The following PIF1 variants were observed in gnomAD, a reference collection of about 807,000 sequenced individuals.
PIF1 encodes ATP-dependent DNA helicase PIF1.
A neutral mutation model predicts 62.3 loss-of-function variants in PIF1; 67 were observed. The ratio of observed to expected loss-of-function variants is 1.08; its 90% CI spans 0.88 to 1.32. PIF1 has a LOEUF of 1.32. PIF1 is among the 40% of genes most tolerant of loss of function. The pLI is 0.00. For synonymous variants in PIF1, 364 were observed against 379.5 expected, an observed-to-expected ratio of 0.96 and a Z score of 0.47; for missense variants, 886 against 866.1, an observed-to-expected ratio of 1.02 and a Z score of -0.29.
In PIF1 at chr15:64,821,525, G is replaced by T. The variant is rs1396976965; in HGVS notation, c.818-5C>A. 2 of 1,587,002 alleles carry T rather than the reference G, an allele frequency of 1.3e-6. No individual in the cohort carries two copies. Among genetic ancestry groups the T allele is most frequent in the Admixed American group, 1.8e-5 (1 of 54,214 alleles). ...GAGCCTGGCCTGAGCCGATGCCTGT[G>T]AGTGACACTATTCAGCCTGGGCTAA... On this transcript the variant is annotated splice_region_variant and splice_polypyrimidine_tract_variant and intron_variant, in intron 4 of 12. Transcript: ENST00000559239.
chr15:64,822,976 C>T (rs538776803), intron 2 of PIF1, among the ~76,000 whole-genome samples: 88 of 152,116 alleles, frequency 5.8e-4, no homozygotes, highest in African/African-American at 2.0e-3. Flanking sequence ...CCAAGCAAAA[C>T]CCTGTCTAGC....
In PIF1 at chr15:64,821,280, C is replaced by T. The variant is rs752731564; in HGVS notation, c.973G>A (p.Ala325Thr). Residue 325 changes from alanine (A) to threonine (T), a missense_variant and splice_region_variant, in exon 6 of 13, where the codon GCT becomes ACT. Physicochemically the swap from Ala to Thr is moderately conservative, Grantham distance 58 (BLOSUM62 0). Coordinates refer to ENST00000559239, the MANE Select transcript of PIF1 (RefSeq NM_001286496.2). Reference protein sequence around the residue: ...LFDKLEAVARAVRQQNKPFGG... With the variant: ...LFDKLEAVARTVRQQNKPFGG... Reference sequence around the variant, plus strand: ...AATGGCTTGTTCTGCTGCCGGACAGCTCTGGAGAGGAGCGTGGGGTGCTTT... The same window carrying T: ...AATGGCTTGTTCTGCTGCCGGACAGTTCTGGAGAGGAGCGTGGGGTGCTTT... 3 of 1,614,208 alleles carry T rather than the reference C, an allele frequency of 1.9e-6. No homozygotes were observed. The highest frequency in any genetic ancestry group is 2.5e-6 in the Non-Finnish European group (3 of 1,180,002).
intron 7 of PIF1, 129 bp downstream of exon 7, chr15:64,820,853 C>A (rs1036149669): frequency 1.0e-5 from 8 of 792,404 alleles, no homozygotes; most frequent in Non-Finnish European, 1.7e-5. Flanking sequence ...CAAGGCTCCT[C>A]TTCCTGCATG....
chr15:64,819,078 G>T, intron 9 of PIF1, 39 bp downstream of exon 9: 1 of 1,499,194 alleles, frequency 6.7e-7, no homozygotes, highest in Non-Finnish European at 9.0e-7. Context: ...ATGCGGGACA[G>T]CCCAAGCTCC....
chr15:64,826,751 T>C (rs867570176), upstream of PIF1, among the ~76,000 whole-genome samples: 1 of 142,126 alleles, frequency 7.0e-6, no homozygotes, highest in Non-Finnish European at 1.6e-5. Context: ...CACACACATA[T>C]ATATATATAA....
intron 3 of PIF1, 24 bp downstream of exon 3, chr15:64,822,454 C>T: frequency 1.2e-6 from 2 of 1,614,122 alleles, no homozygotes; most frequent in Non-Finnish European, 1.7e-6. Flanking sequence ...CACTGTCCCC[C>T]TACCTCCTCT....
At chr15:64,822,230 T>G (rs1595816737) in intron 4 of PIF1, 36 bp downstream of exon 4, 1 of 1,589,296 alleles carries the variant, frequency 6.3e-7, no homozygotes, top group Non-Finnish European at 8.5e-7. Context: ...GAAGCTGGGC[T>G]TGCTCTTAGC....
intron 10 of PIF1, 78 bp from the exon 11 acceptor site, chr15:64,818,169 T>C (rs1390055395): frequency 6.2e-7 from 1 of 1,610,972 alleles, no homozygotes; most frequent in African/African-American, 1.3e-5. Flanking sequence ...TTTGGAGCTT[T>C]CCTTCCTAGT....
In PIF1 at chr15:64,815,783, G is replaced by A; in HGVS notation, c.*515C>T. The A allele has an allele frequency of 1.3e-6, 2 of 1,550,668 alleles. No homozygotes were observed. The highest frequency in any genetic ancestry group is 8.7e-7 in the Non-Finnish European group (1 of 1,147,018). On this transcript the variant is annotated 3_prime_UTR_variant, in exon 13 of 13. Transcript: ENST00000559239. ...TTATGTTCTTTGGTTAGGCTCTGAA[G>A]GGTGTTTGTTCTGGGCTGGGCTAGG...
At chr15:64,818,140 G>C (rs1156412552) in intron 10 of PIF1, 49 bp from the exon 11 acceptor site, 7 of 1,611,748 alleles carry the variant, frequency 4.3e-6, no homozygotes, top group Non-Finnish European at 5.9e-6. Flanking sequence ...TCAGGGCTCT[G>C]AGGTGAGGAG....
rs767605057 is a variant in PIF1, at chr15:64,824,136, C to T, written c.200G>A (p.Arg67His). The change falls in exon 2 of 13, where the codon CGC becomes CAC. Residue 67 changes from arginine to histidine, a missense_variant. Physicochemically the swap from Arg to His is conservative, Grantham distance 29 (BLOSUM62 0). Coordinates refer to ENST00000559239, the MANE Select transcript of PIF1 (RefSeq NM_001286496.2). ...GCGCGCGGCGCGCAGAGGAAAGCAG[C>T]GCGGCCGCCCCGCGGGCCCTGGCGC... ...LQAPGPAGRPRCFPLRAARLF... is the reference protein window; with the variant it reads ...LQAPGPAGRPHCFPLRAARLF... 1 of 1,285,286 alleles carries T rather than the reference C, an allele frequency of 7.8e-7. No individual in the cohort carries two copies. Among genetic ancestry groups the T allele is most frequent in the Non-Finnish European group, 9.8e-7 (1 of 1,018,308 alleles). The allele number at this position is 1,285,286 out of a possible 1,614,324, so 79.6% of individuals were successfully genotyped here.
rs2084171371 is a variant in PIF1 at position 64,815,836 on chromosome 15, AGTTCC to A, written c.*457_*461del. ...GGGCCTAGCTGTAGAGACACACCTA[AGTTCC>A]GTTCTCTGTTTGGAGGCTGCACCCA... On this transcript the variant is annotated 3_prime_UTR_variant, in exon 13 of 13. Transcript: ENST00000559239. 1 of 1,550,500 alleles carries A rather than the reference AGTTCC, an allele frequency of 6.4e-7. No homozygotes were observed. The highest frequency in any genetic ancestry group is 1.4e-5 in the African/African-American group (1 of 73,036).
At position 64,824,253 on chromosome 15, in the gene PIF1, G is replaced by T. The variant is rs1289957543; in HGVS notation, c.83C>A (p.Pro28Gln). 2.3e-6 allele frequency: 3 copies of T among 1,306,804 alleles called. No individual in the cohort carries two copies. 81.0% of individuals were successfully genotyped at this position (1,306,804 alleles called of 1,614,324 possible). A position where few individuals can be genotyped will look rare whatever the true frequency, so the allele number is the denominator to read the frequency against. ...CTGGCGCCTTCGCGGCTGCCCGCCCGGGCTCAGCTCCTCCACAGCCACGCG... is the reference window on the plus strand; with the variant it reads ...CTGGCGCCTTCGCGGCTGCCCGCCCTGGCTCAGCTCCTCCACAGCCACGCG... ...RCRVAVEELS[P>Q]GGQPRRRQAL... Residue 28 changes from proline (P) to glutamine (Q), a missense_variant, in exon 2 of 13, where the codon CCG becomes CAG. Transcript: ENST00000559239.
chr15:64,818,211 G>A lies in PIF1; in HGVS notation c.1528+46C>T, dbSNP rs374105698. ...CTCCCCCCACCATTCCCGGGGCCAT[G>A]CTGCAAAGCCCCGTAGCAGGACTGC... On this transcript the variant is annotated intron_variant, in intron 10 of 12. Coordinates refer to ENST00000559239, the MANE Select transcript of PIF1 (RefSeq NM_001286496.2). 3.1e-6 allele frequency: 5 copies of A among 1,611,078 alleles called. No individual in the cohort carries two copies. In the African/African-American group the frequency reaches 5.3e-5, roughly 17 times the overall value.
Position 64,823,932 on chromosome 15 carries a change from G to A in PIF1, c.404C>T (p.Ala135Val). The change falls in exon 2 of 13, where the codon GCC (alanine) becomes GTC (valine). Residue 135 changes from alanine to valine, a missense_variant. Transcript: ENST00000559239. ...AAAPGPGPASARAQLLGPRPR... is the reference protein window; with the variant it reads ...AAAPGPGPASVRAQLLGPRPR... Reference sequence around the variant, plus strand: ...CCGCGGGCCCAGCAGCTGCGCTCGGGCGGAGGCCGGCCCGGGACCCGGGGC... The same window carrying A: ...CCGCGGGCCCAGCAGCTGCGCTCGGACGGAGGCCGGCCCGGGACCCGGGGC... 2 of 1,315,732 alleles carry A rather than the reference G, an allele frequency of 1.5e-6. No individual in the cohort carries two copies. 81.5% of individuals were successfully genotyped at this position (1,315,732 alleles called of 1,614,324 possible). A position where few individuals can be genotyped will look rare whatever the true frequency, so the allele number is the denominator to read the frequency against.
rs2141102240 is a variant in PIF1, at chr15:64,815,848, T to C, written c.*450A>G. ...AGAGACACACCTAAGTTCCGTTCTC[T>C]GTTTGGAGGCTGCACCCAGCCTGAG... On this transcript the variant is annotated 3_prime_UTR_variant, in exon 13 of 13. Coordinates refer to ENST00000559239, the MANE Select transcript of PIF1 (RefSeq NM_001286496.2). 1 of 1,550,632 alleles carries C rather than the reference T, an allele frequency of 6.4e-7. No individual in the cohort carries two copies. Among genetic ancestry groups the C allele is most frequent in the East Asian group, 2.4e-5 (1 of 40,924 alleles).
Position 64,816,431 on chromosome 15 carries a change from T to C in PIF1, c.1867-74A>G, listed in dbSNP as rs2084183987. 1.9e-6 allele frequency: 3 copies of C among 1,606,490 alleles called. No homozygotes were observed. The South Asian group carries it at 3.3e-5, about 18-fold the overall frequency. ...GGACCATAACCTGGGGGCCAGCATCTCTTTCCTTTTGCCCTCACCCCTAAA... is the reference window on the plus strand; with the variant it reads ...GGACCATAACCTGGGGGCCAGCATCCCTTTCCTTTTGCCCTCACCCCTAAA... On this transcript the variant is annotated intron_variant, in intron 12 of 12. Coordinates refer to ENST00000559239, the MANE Select transcript of PIF1 (RefSeq NM_001286496.2).
At chr15:64,820,120 GCC>G in intron 7 of PIF1, 134 bp from the exon 8 acceptor site, 1 of 1,140,670 alleles carries the variant, frequency 8.8e-7, no homozygotes, top group South Asian at 1.5e-5. Flanking sequence ...AAGAGTTGCT[GCC>G]CCCTCAAGCT....
In PIF1 at chr15:64,824,221, G is replaced by C. The variant is rs2084334822; in HGVS notation, c.115C>G (p.Arg39Gly). ...CGACCCAGGCTCAGCTCCGCGGTGC[G>C]CAGGGCCTGGCGCCTTCGCGGCTGC... The part of the protein sequence containing the change: ...GGQPRRRQAL[R>G]TAELSLGRNE... The change falls in exon 2 of 13, where the codon CGC (arginine) becomes GGC (glycine). Residue 39 changes from arginine to glycine, a missense_variant. By Grantham distance (125) the Arg-to-Gly change is moderately radical. Coordinates refer to ENST00000559239, the MANE Select transcript of PIF1 (RefSeq NM_001286496.2). The C allele has an allele frequency of 2.2e-6, 3 of 1,339,232 alleles. No homozygotes were observed. The highest frequency in any genetic ancestry group is 2.9e-6 in the Non-Finnish European group (3 of 1,038,290). The allele number at this position is 1,339,232 out of a possible 1,614,324, so 83.0% of individuals were successfully genotyped here. A position where few individuals can be genotyped will look rare whatever the true frequency, so the allele number is the denominator to read the frequency against.
Sources: gnomAD v4.1 joint callset for allele counts (sites outside exome capture counted in the v4.1 genomes callset) on GRCh38, gnomAD v4.1.1 for gene constraint, MANE v1.5 for transcripts, NCBI Gene and HGNC (gene_info 2026-07-23, HGNC 2026-07-21) for gene names.